RERE: variants seen among roughly 807,000 people sequenced by gnomAD.
RERE encodes arginine-glutamic acid dipeptide repeats protein.
RERE carries 40 observed loss-of-function variants against 146.1 expected under a neutral mutation model. That is an observed-to-expected ratio of 0.27 (90% CI 0.21 to 0.36). RERE has a LOEUF of 0.36. RERE is among the 10% of genes least tolerant of loss of function. RERE has a pLI of 1.00. For missense variants in RERE, 1,933 were observed against 2,138.7 expected (o/e 0.90, Z 1.90); for synonymous variants, 1,003 against 866.0 (o/e 1.16, Z -2.78).
At position 8,713,045 on chromosome 1, in the gene RERE, TATCCTAAA is replaced by T. The variant is rs557512997; in HGVS notation, c.-144-56612_-144-56605del. 4.7e-3 allele frequency among the ~76,000 whole-genome samples: 717 copies of T among 152,282 alleles called. 3 individuals are homozygous for T. The highest frequency in any genetic ancestry group is 8.4e-3 in the Non-Finnish European group (572 of 68,014). On this transcript the variant is annotated intron_variant, in intron 1 of 22. Coordinates refer to ENST00000400908, the MANE Select transcript of RERE (RefSeq NM_001042681.2). ...TACTCATATAACTAGAAAAGCACAT[TATCCTAAA>T]ATAAGACTTGTTATAAAATCTGAAT...
intron 7 of RERE, 88 bp from the exon 8 acceptor site, chr1:8,508,763 A>G: frequency 1.8e-6 from 2 of 1,082,614 alleles, no homozygotes; most frequent in Middle Eastern, 4.0e-4. Flanking sequence ...AATTCTCTTC[A>G]AATAAATGAG....
At chr1:8,631,111 G>A (rs182895435) in intron 2 of RERE, among the ~76,000 whole-genome samples, 2 of 152,288 alleles carry the variant, frequency 1.3e-5, no homozygotes, top group East Asian at 3.9e-4. Flanking sequence ...AGGGGAACAG[G>A]TCATAATAAA....
At chr1:8,596,495 A>T (rs1346827298) in intron 4 of RERE, among the ~76,000 whole-genome samples, 1 of 152,182 alleles carries the variant, frequency 6.6e-6, no homozygotes, top group Non-Finnish European at 1.5e-5. Flanking sequence ...GTAGGAAAAT[A>T]AATTACTCTT....
chr1:8,683,031 C>CAAAAAA lies in RERE; in HGVS notation c.-144-26596_-144-26591dup, dbSNP rs71580039. Among the ~76,000 whole-genome samples, 213 of 65,510 alleles carry CAAAAAA rather than the reference C, an allele frequency of 3.3e-3. 1 individual carries two copies. The highest frequency in any genetic ancestry group is 6.7e-3 in the East Asian group (13 of 1,934). 43.0% of individuals were successfully genotyped at this position (65,510 alleles called of 152,430 possible). Reference sequence around the variant, plus strand: ...ACCAACTCTGCCTCACTGTCTTTACCAAAAAAAAAAAAAAAAAAAAAAAAG... The same window carrying CAAAAAA: ...ACCAACTCTGCCTCACTGTCTTTACCAAAAAAAAAAAAAAAAAAAAAAAAAAAAAAG... On this transcript the variant is annotated intron_variant, in intron 1 of 22. Transcript: ENST00000400908.
At chr1:8,480,143 G>A (rs12751653) in intron 10 of RERE, among the ~76,000 whole-genome samples, 160 of 105,422 alleles carry the variant, frequency 1.5e-3, no homozygotes, top group Non-Finnish European at 2.4e-3. Context: ...TTTTTTTTTT[G>A]TTTTTTTTTT....
chr1:8,407,572 T>C (rs905728893), intron 12 of RERE, among the ~76,000 whole-genome samples: 3 of 152,056 alleles, frequency 2.0e-5, no homozygotes, highest in Non-Finnish European at 2.9e-5. Flanking sequence ...GCCCTAGTTC[T>C]TGGCTCATCC....
intron 4 of RERE, among the ~76,000 whole-genome samples, chr1:8,597,713 C>G (rs1010387783): frequency 6.6e-6 from 1 of 152,088 alleles, no homozygotes; most frequent in African/African-American, 2.4e-5. Flanking sequence ...GAAACAAGAT[C>G]TGATCTGGAC....
At chr1:8,563,343 C>CAG (rs147990773) in intron 4 of RERE, among the ~76,000 whole-genome samples, 54 of 150,276 alleles carry the variant, frequency 3.6e-4, no homozygotes, top group East Asian at 7.7e-4. Flanking sequence ...AGGACTAGGG[C>CAG]AGAGAGAGAG....
At chr1:8,365,765 T>C in intron 13 of RERE, 47 bp downstream of exon 13, 1 of 1,601,918 alleles carries the variant, frequency 6.2e-7, no homozygotes, top group Non-Finnish European at 8.5e-7. Flanking sequence ...AGGCTGCCCG[T>C]GAACAGTCTC....
chr1:8,477,461 A>C (rs1644771207), intron 10 of RERE, among the ~76,000 whole-genome samples: 1 of 152,196 alleles, frequency 6.6e-6, no homozygotes, highest in African/African-American at 2.4e-5. Context: ...TGGAAACTAA[A>C]ATATGTTTTC....
At chr1:8,602,387 T>A (rs1357100807) in intron 4 of RERE, among the ~76,000 whole-genome samples, 1 of 95,078 alleles carries the variant, frequency 1.1e-5, no homozygotes, top group African/African-American at 3.6e-5. Context: ...TTAGACTCCA[T>A]CTCAAAAAAA....
chr1:8,590,419 A>C lies in RERE; in HGVS notation c.522+24142T>G, dbSNP rs570571851. Among the ~76,000 whole-genome samples, 9 of 152,300 alleles carry C rather than the reference A, an allele frequency of 5.9e-5. No homozygotes were observed. The South Asian group carries it at 1.7e-3, about 28-fold the overall frequency. ...CCACAGAGAATGTCAGAAATGTTTA[A>C]AACTGTTTTCTCCCTCAAGAGGCTT... On this transcript the variant is annotated intron_variant, in intron 4 of 22. Transcript: ENST00000400908.
intron 7 of RERE, among the ~76,000 whole-genome samples, chr1:8,517,436 T>A (rs1645434721): frequency 6.6e-6 from 1 of 152,212 alleles, no homozygotes; most frequent in East Asian, 1.9e-4. Flanking sequence ...ATTCATCATC[T>A]TGGAGACATC....
intron 1 of RERE, among the ~76,000 whole-genome samples, chr1:8,691,762 A>G (rs1639211279): frequency 6.6e-6 from 1 of 152,228 alleles, no homozygotes. Context: ...TTAACAACCA[A>G]GGCACTGGGT....
At chr1:8,372,506 T>TTGTGTGTG (rs1467855807) in intron 12 of RERE, among the ~76,000 whole-genome samples, 2 of 43,886 alleles carry the variant, frequency 4.6e-5, no homozygotes, top group Non-Finnish European at 4.9e-5. Context: ...TACCATCAGG[T>TTGTGTGTG]CGTGTGTGTG....
chr1:8,499,845 C>T (rs1053088777), intron 8 of RERE, among the ~76,000 whole-genome samples: 3 of 152,232 alleles, frequency 2.0e-5, no homozygotes, highest in Non-Finnish European at 2.9e-5. Context: ...ATGGGCCTGG[C>T]GTGGTGGCTC....
At chr1:8,662,301 A>T (rs1311045444) in intron 1 of RERE, among the ~76,000 whole-genome samples, 2 of 152,196 alleles carry the variant, frequency 1.3e-5, no homozygotes, top group Non-Finnish European at 2.9e-5. Context: ...ACCCCCAAAC[A>T]TCTCACACTA....
chr1:8,531,224 C>CT (rs1645649087), intron 7 of RERE, among the ~76,000 whole-genome samples: 1 of 152,070 alleles, frequency 6.6e-6, no homozygotes, highest in Admixed American at 6.6e-5. Flanking sequence ...TGGTGGGTGA[C>CT]TTGAGGTCAG....
At chr1:8,637,380 C>T (rs956758523) in intron 2 of RERE, among the ~76,000 whole-genome samples, 1 of 152,120 alleles carries the variant, frequency 6.6e-6, no homozygotes, top group Non-Finnish European at 1.5e-5. Context: ...AGTCTCCCCT[C>T]TTTCATACTC....
Sources: allele counts gnomAD v4.1 joint callset (sites outside exome capture counted in the v4.1 genomes callset), GRCh38; gene constraint gnomAD v4.1.1; transcripts MANE v1.5; gene names NCBI Gene and HGNC (gene_info 2026-07-23, HGNC 2026-07-21).